PTPRD: variants seen among roughly 807,000 people sequenced by gnomAD.
PTPRD encodes receptor-type tyrosine-protein phosphatase delta.
In PTPRD, 34 loss-of-function variants were observed where a neutral mutation model predicts 214.5. The observed-to-expected ratio is 0.16, with a 90% CI of 0.12 to 0.21. The LOEUF is 0.21. PTPRD is among the 10% of genes least tolerant of loss of function. The probability of loss-of-function intolerance (pLI) is 1.00; values close to 1 mark genes in which losing one functional copy is unlikely to be tolerated. For synonymous variants in PTPRD, 1,128 were observed against 845.7 expected, an observed-to-expected ratio of 1.33 and a Z score of -5.79; for missense variants, 2,545 against 2,398.7, an observed-to-expected ratio of 1.06 and a Z score of -1.27.
intron 33 of PTPRD, among the ~76,000 whole-genome samples, chr9:8,453,557 C>T (rs1428053914): frequency 6.6e-6 from 1 of 152,194 alleles, no homozygotes. Context: ...TTCTGCTGGA[C>T]AAATGGATAC....
intron 2 of PTPRD, among the ~76,000 whole-genome samples, chr9:10,610,401 C>G (rs2080649783): frequency 6.6e-6 from 1 of 152,164 alleles, no homozygotes; most frequent in Non-Finnish European, 1.5e-5. Flanking sequence ...CATGTCTTCT[C>G]TACTGTGTAA....
chr9:9,520,484 C>A (rs2096942179), intron 8 of PTPRD, among the ~76,000 whole-genome samples: 1 of 151,934 alleles, frequency 6.6e-6, no homozygotes. Context: ...TTTACACATT[C>A]CCATGCATTT....
chr9:9,596,766 T>C (rs1033729739), intron 7 of PTPRD, among the ~76,000 whole-genome samples: 4 of 152,004 alleles, frequency 2.6e-5, no homozygotes, highest in African/African-American at 9.7e-5. Flanking sequence ...ATTGAAATAA[T>C]GTTAGCTTAA....
intron 2 of PTPRD, among the ~76,000 whole-genome samples, chr9:10,370,138 T>G (rs1292714178): frequency 6.6e-6 from 1 of 152,120 alleles, no homozygotes; most frequent in African/African-American, 2.4e-5. Flanking sequence ...CCATCACTTA[T>G]TTGATGGTTT....
At chr9:8,676,555 G>C (rs1258465406) in intron 12 of PTPRD, among the ~76,000 whole-genome samples, 1 of 151,364 alleles carries the variant, frequency 6.6e-6, no homozygotes, top group Non-Finnish European at 1.5e-5. Flanking sequence ...CTTGATTTTT[G>C]TGTGGGTTTC....
intron 2 of PTPRD, among the ~76,000 whole-genome samples, chr9:10,589,843 T>C (rs1156933216): frequency 6.6e-6 from 1 of 152,048 alleles, no homozygotes; most frequent in Non-Finnish European, 1.5e-5. Flanking sequence ...ACAGGTGAAA[T>C]ATCTGCCTGG....
intron 14 of PTPRD, among the ~76,000 whole-genome samples, chr9:8,631,213 G>C (rs2096241781): frequency 6.6e-6 from 1 of 151,736 alleles, no homozygotes; most frequent in East Asian, 1.9e-4. Flanking sequence ...TAAGATTCCT[G>C]CCAGTTCTAA....
chr9:8,844,970 T>TA (rs1203213516), intron 11 of PTPRD, among the ~76,000 whole-genome samples: 1 of 152,122 alleles, frequency 6.6e-6, no homozygotes, highest in African/African-American at 2.4e-5. Flanking sequence ...TCTAAAATCT[T>TA]AAAAATCCAG....
intron 10 of PTPRD, among the ~76,000 whole-genome samples, chr9:9,074,724 C>A (rs1269560875): frequency 1.3e-5 from 2 of 149,296 alleles, no homozygotes; most frequent in Non-Finnish European, 3.0e-5. Context: ...CTTTTTTTTT[C>A]TGTAGAGTTG....
chr9:8,937,892 C>T (rs1344158198), intron 11 of PTPRD, among the ~76,000 whole-genome samples: 1 of 152,122 alleles, frequency 6.6e-6, no homozygotes, highest in Non-Finnish European at 1.5e-5. Context: ...TGTATTTTCA[C>T]TGAAAATTAG....
intron 5 of PTPRD, among the ~76,000 whole-genome samples, chr9:9,845,329 T>G (rs2059330620): frequency 6.6e-6 from 1 of 151,432 alleles, no homozygotes; most frequent in Admixed American, 6.6e-5. Context: ...AATGCTTATC[T>G]GACATAACTT....
intron 10 of PTPRD, among the ~76,000 whole-genome samples, chr9:9,043,322 A>C (rs1196016044): frequency 6.6e-6 from 1 of 152,148 alleles, no homozygotes; most frequent in Non-Finnish European, 1.5e-5. Context: ...ACATCAACCC[A>C]CATTAAAGAA....
intron 8 of PTPRD, among the ~76,000 whole-genome samples, chr9:9,445,919 T>C (rs1032073876): frequency 1.3e-5 from 2 of 152,184 alleles, no homozygotes. Context: ...AAATGGTTCC[T>C]TAGCACAGTT....
chr9:8,354,849 G>A (rs1482129234), intron 39 of PTPRD, among the ~76,000 whole-genome samples: 2 of 152,194 alleles, frequency 1.3e-5, no homozygotes, highest in Non-Finnish European at 2.9e-5. Context: ...AATTTAGGCT[G>A]TAAGAATGTT....
intron 10 of PTPRD, among the ~76,000 whole-genome samples, chr9:9,060,259 AG>A (rs2099704624): frequency 6.6e-6 from 1 of 152,180 alleles, no homozygotes; most frequent in African/African-American, 2.4e-5. Flanking sequence ...GCAAACATAG[AG>A]AGTTGATTTA....
At chr9:9,293,388 T>TTG (rs1569567132) in intron 9 of PTPRD, among the ~76,000 whole-genome samples, 9 of 149,478 alleles carry the variant, frequency 6.0e-5, no homozygotes, top group South Asian at 4.2e-4. Context: ...GTTTGTTTGT[T>TTG]CTTTTTTTTT....
chr9:10,121,432 T>G (rs1270853256), intron 3 of PTPRD, among the ~76,000 whole-genome samples: 6 of 152,252 alleles, frequency 3.9e-5, no homozygotes, highest in Middle Eastern at 3.4e-3. Context: ...TGGCCAAAAG[T>G]GTTGTCATTG....
intron 2 of PTPRD, among the ~76,000 whole-genome samples, chr9:10,538,139 T>C (rs1447526125): frequency 6.6e-6 from 1 of 151,866 alleles, no homozygotes; most frequent in East Asian, 1.9e-4. Flanking sequence ...CCTATCCCTA[T>C]CCAATCACTG....
intron 2 of PTPRD, among the ~76,000 whole-genome samples, chr9:10,434,964 G>A (rs77188158): frequency 0.014 from 2,180 of 151,872 alleles, 56 homozygotes; most frequent in African/African-American, 0.05. Flanking sequence ...TACCCCGAGC[G>A]CTGGACTAGG....
Sources: allele counts gnomAD v4.1 joint callset (sites outside exome capture counted in the v4.1 genomes callset), GRCh38; gene constraint gnomAD v4.1.1; transcripts MANE v1.5; gene names NCBI Gene and HGNC (gene_info 2026-07-23, HGNC 2026-07-21).